Variants in PIK3R5 observed in about 807,000 individuals in gnomAD.
PIK3R5 encodes the protein phosphoinositide 3-kinase regulatory subunit 5.
Under a neutral mutation model 94.9 loss-of-function variants are expected in PIK3R5, and 32 were observed. That is an observed-to-expected ratio of 0.34 (90% CI 0.25 to 0.45). The LOEUF is 0.45. PIK3R5 is among the 20% of genes least tolerant of loss of function. PIK3R5 has a pLI of 1.00. For missense variants in PIK3R5, 853 were observed against 1,144.6 expected (o/e 0.75, Z 3.68); for synonymous variants, 443 against 479.4 (o/e 0.92, Z 0.99).
chr17:8,887,650 C>A lies in PIK3R5; in HGVS notation c.1650G>T (p.Arg550=). Residue 550 remains arginine (R), a synonymous_variant, in exon 11 of 19, where the codon CGG becomes CGT. Transcript: ENST00000447110. The part of the protein sequence containing the change: ...RLENNRPLLT[R]FFKLQFFYVP... ...CGTAGAAGAACTGAAGTTTGAAGAA[C>A]CGTGTGAGGAGTGGGCGATTGTTCT... is the stretch of plus-strand genomic sequence containing the variant. 6.2e-7 allele frequency: 1 copy of A among 1,606,804 alleles called. No homozygotes were observed. Among genetic ancestry groups the A allele is most frequent in the Non-Finnish European group, 8.5e-7 (1 of 1,176,624 alleles).
rs142456407 is a variant in PIK3R5 at position 8,963,805 on chromosome 17, G to C, written c.-14+1791C>G. Among the ~76,000 whole-genome samples, 778 of 152,272 alleles carry C rather than the reference G, an allele frequency of 5.1e-3. 4 individuals carry two copies. Among genetic ancestry groups the C allele is most frequent in the African/African-American group, 0.018 (738 of 41,548 alleles). On this transcript the variant is annotated intron_variant, in intron 1 of 18. Transcript: ENST00000447110. ...AATGAATCATCCCTCTCGTAAGCTA[G>C]AGATGAAAGGAGGGAGGTTCTTAAA...
intron 1 of PIK3R5, among the ~76,000 whole-genome samples, chr17:8,917,696 T>C (rs2090658091): frequency 6.6e-6 from 1 of 152,080 alleles, no homozygotes; most frequent in Admixed American, 6.6e-5. Context: ...TGAAACCCTG[T>C]CTCTATTAAA....
intron 5 of PIK3R5, among the ~76,000 whole-genome samples, chr17:8,899,205 G>A (rs529623630): frequency 6.6e-6 from 1 of 152,220 alleles, no homozygotes; most frequent in African/African-American, 2.4e-5. Context: ...GCGATCATAC[G>A]GGGGTGGAGT....
Position 8,881,543 on chromosome 17 carries a change from A to T in PIK3R5, c.2382+87T>A. On this transcript the variant is annotated intron_variant, in intron 17 of 18. Transcript: ENST00000447110. This position sits in a 1 kb window ranked among gnomAD's most constrained non-coding sequence, Gnocchi z 4.8. ...TATGTGCACACATGCACACACATAC[A>T]TGTGCACACACACGTACACACATAC... The T allele has an allele frequency of 2.0e-6, 2 of 989,384 alleles. No individual in the cohort carries two copies. The highest frequency in any genetic ancestry group is 3.2e-6 in the Non-Finnish European group (2 of 632,238). The allele number at this position is 989,384 out of a possible 1,614,324, so 61.3% of individuals were successfully genotyped here.
rs886143699 is a variant in PIK3R5, at chr17:8,890,521, C to T, written c.657+217G>A. ...CATCTTCTGAGGCACCAGTTATCAG[C>T]ACCCAGTCCTACTGCCCAGGCTGCC... On this transcript the variant is annotated intron_variant, in intron 7 of 18. Transcript: ENST00000447110. The surrounding 1 kb of genome is among the most constrained non-coding windows in gnomAD (Gnocchi z 6.1). 1.3e-5 allele frequency among the ~76,000 whole-genome samples: 2 copies of T among 152,258 alleles called. No homozygotes were observed. The highest frequency in any genetic ancestry group is 3.2e-3 in the Middle Eastern group (1 of 316).
In PIK3R5 at chr17:8,891,597, CT is replaced by C. The variant is rs564434517; in HGVS notation, c.483-686del. On this transcript the variant is annotated intron_variant, in intron 6 of 18. Coordinates refer to ENST00000447110, the MANE Select transcript of PIK3R5 (RefSeq NM_001142633.3). ...CATTTCTTTATTATGGAACCTTTCT[CT>C]TTTTTTTTTTTTTTTGAGACGGAGT... 2.3e-3 allele frequency among the ~76,000 whole-genome samples: 319 copies of C among 140,538 alleles called. 2 individuals are homozygous for C. The highest frequency in any genetic ancestry group is 0.011 in the Middle Eastern group (3 of 276). 92.2% of individuals were successfully genotyped at this position (140,538 alleles called of 152,430 possible). A position where few individuals can be genotyped will look rare whatever the true frequency, so the allele number is the denominator to read the frequency against.
Position 8,890,242 on chromosome 17 carries a change from C to T in PIK3R5, c.658-116G>A. On this transcript the variant is annotated intron_variant, in intron 7 of 18. Coordinates refer to ENST00000447110, the MANE Select transcript of PIK3R5 (RefSeq NM_001142633.3). This position sits in a 1 kb window ranked among gnomAD's most constrained non-coding sequence, Gnocchi z 6.1. ...GTGATCTGTCCCCTCCCAGCCTCAT[C>T]ACCCATCTCCTACCCACAGCTGGCC... 1 of 1,051,628 alleles carries T rather than the reference C, an allele frequency of 9.5e-7. No individual in the cohort carries two copies. Among genetic ancestry groups the T allele is most frequent in the Non-Finnish European group, 1.4e-6 (1 of 717,126 alleles). 65.1% of individuals were successfully genotyped at this position (1,051,628 alleles called of 1,614,324 possible).
intron 5 of PIK3R5, among the ~76,000 whole-genome samples, chr17:8,901,453 C>A (rs966913552): frequency 6.6e-6 from 1 of 152,164 alleles, no homozygotes; most frequent in African/African-American, 2.4e-5. Flanking sequence ...GACAGGTCAG[C>A]TGACTGGGTG....
chr17:8,895,743 C>A (rs998897146), intron 5 of PIK3R5, among the ~76,000 whole-genome samples: 6 of 152,296 alleles, frequency 3.9e-5, no homozygotes, highest in Non-Finnish European at 7.3e-5. Flanking sequence ...GTGGACTCCA[C>A]GCGACTGTTG....
chr17:8,905,831 C>CTTT (rs578092015), intron 3 of PIK3R5, 94 bp from the exon 4 acceptor site: 86 of 381,604 alleles, frequency 2.3e-4, no homozygotes, highest in East Asian at 1.0e-3. Flanking sequence ...TCTAGCCTTT[C>CTTT]TTTTTTTTTT....
At position 8,884,470 on chromosome 17, in the gene PIK3R5, C is replaced by T. The variant is rs144971911; in HGVS notation, c.2205+237G>A. On this transcript the variant is annotated intron_variant, in intron 15 of 18. Coordinates refer to ENST00000447110, the MANE Select transcript of PIK3R5 (RefSeq NM_001142633.3). The surrounding 1 kb of genome is among the most constrained non-coding windows in gnomAD (Gnocchi z 5.8). ...CCCCTACCCCTGGGCTGCTGCTGAG[C>T]GCATTCGGGTGGGGGCAGAGAACAT... Among the ~76,000 whole-genome samples, 2 of 152,248 alleles carry T rather than the reference C, an allele frequency of 1.3e-5. No individual in the cohort carries two copies. The highest frequency in any genetic ancestry group is 2.4e-5 in the African/African-American group (1 of 41,538).
rs1196487099 is a variant in PIK3R5 at position 8,949,868 on chromosome 17, C to G, written c.-14+15728G>C. Among the ~76,000 whole-genome samples the G allele has an allele frequency of 2.0e-5, 3 of 152,150 alleles. No individual in the cohort carries two copies. The East Asian group carries it at 5.8e-4, about 29-fold the overall frequency. On this transcript the variant is annotated intron_variant, in intron 1 of 18. Coordinates refer to ENST00000447110, the MANE Select transcript of PIK3R5 (RefSeq NM_001142633.3). ...CCTCTAAAGAACTTACTCACGTAAC[C>G]AAATACTACCTGTTCCCCAAAAATC...
chr17:8,928,460 T>G (rs1370406998), intron 1 of PIK3R5, among the ~76,000 whole-genome samples: 1 of 151,878 alleles, frequency 6.6e-6, no homozygotes, highest in African/African-American at 2.4e-5. Flanking sequence ...CATCTCATAG[T>G]CAAAATTCTG....
chr17:8,939,285 G>A (rs2091131951), intron 1 of PIK3R5, among the ~76,000 whole-genome samples: 1 of 152,162 alleles, frequency 6.6e-6, no homozygotes, highest in South Asian at 2.1e-4. Context: ...AATTGCTCCA[G>A]CAGTAGGAAT....
intron 1 of PIK3R5, among the ~76,000 whole-genome samples, chr17:8,930,252 G>A (rs568092116): frequency 4.6e-5 from 7 of 152,226 alleles, no homozygotes; most frequent in African/African-American, 1.4e-4. Flanking sequence ...TGCATTCTAT[G>A]ACCACAATGG....
At chr17:8,922,938 C>T (rs1386864734) in intron 1 of PIK3R5, among the ~76,000 whole-genome samples, 2 of 152,066 alleles carry the variant, frequency 1.3e-5, no homozygotes, top group Non-Finnish European at 2.9e-5. Context: ...AGACTGCCCA[C>T]TTCCCCCCAT....
At chr17:8,895,925 A>C (rs2090142460) in intron 5 of PIK3R5, among the ~76,000 whole-genome samples, 1 of 151,882 alleles carries the variant, frequency 6.6e-6, no homozygotes, top group African/African-American at 2.4e-5. Context: ...TCCCGCCCTC[A>C]CCCCCAAAAC....
chr17:8,902,559 T>A (rs1224724969), intron 5 of PIK3R5, among the ~76,000 whole-genome samples: 3 of 152,106 alleles, frequency 2.0e-5, no homozygotes, highest in African/African-American at 7.2e-5. Context: ...GCCTGATATA[T>A]TAATTTTTAT....
intron 1 of PIK3R5, among the ~76,000 whole-genome samples, chr17:8,936,999 C>T (rs1473809865): frequency 1.1e-4 from 16 of 152,088 alleles, no homozygotes; most frequent in Non-Finnish European, 1.5e-5. Context: ...CTGATTATTT[C>T]ATTTTTTGGT....
Sources: gnomAD v4.1 joint callset for allele counts (sites outside exome capture counted in the v4.1 genomes callset) on GRCh38, gnomAD v4.1.1 for gene constraint, Gnocchi (gnomAD v3.1) non-coding constraint, MANE v1.5 for transcripts, NCBI Gene and HGNC (gene_info 2026-07-23, HGNC 2026-07-21) for gene names.